The following HPSE2 variants were observed in gnomAD, a reference collection of about 807,000 sequenced individuals.
HPSE2 encodes the protein heparanase 2 (inactive).
HPSE2 carries 38 observed loss-of-function variants against 60.5 expected under a neutral mutation model. That is an observed-to-expected ratio of 0.63 (90% confidence interval 0.48 to 0.82). HPSE2 has a LOEUF of 0.82. HPSE2 is among the 40% of genes least tolerant of loss of function. The probability of loss-of-function intolerance (pLI) is 0.00; values close to 1 mark genes in which losing one functional copy is unlikely to be tolerated. For synonymous variants in HPSE2, 295 were observed against 293.2 expected (o/e 1.01, Z -0.06); for missense variants, 713 against 740.4 (o/e 0.96, Z 0.43).
At chr10:99,103,220 A>G (rs928151806) in intron 3 of HPSE2, among the ~76,000 whole-genome samples, 1 of 152,216 alleles carries the variant, frequency 6.6e-6, no homozygotes, top group East Asian at 1.9e-4. Context: ...ACATGATTGT[A>G]TATCTAGAAA....
the HPSE2 span, among the ~76,000 whole-genome samples, chr10:99,297,825 G>A: frequency 1.3e-5 from 2 of 152,074 alleles, no homozygotes; most frequent in South Asian, 4.2e-4. Flanking sequence ...TTTCAGCATT[G>A]GTAATTTTGA....
intron 9 of HPSE2, among the ~76,000 whole-genome samples, chr10:98,493,461 A>AT (rs561940980): frequency 2.6e-5 from 4 of 152,030 alleles, no homozygotes; most frequent in Non-Finnish European, 4.4e-5. Context: ...TTCACTTCAT[A>AT]TTTTTTTGTG....
chr10:98,728,653 G>A (rs887316037), intron 4 of HPSE2, among the ~76,000 whole-genome samples: 1 of 152,060 alleles, frequency 6.6e-6, no homozygotes, highest in Non-Finnish European at 1.5e-5. Context: ...AATTAAGTTA[G>A]TATTACTTGA....
At chr10:98,927,350 A>T (rs1312654333) in intron 3 of HPSE2, among the ~76,000 whole-genome samples, 1 of 152,064 alleles carries the variant, frequency 6.6e-6, no homozygotes, top group African/African-American at 2.4e-5. Flanking sequence ...ATACAAACAA[A>T]TGGAAGAACA....
intron 4 of HPSE2, among the ~76,000 whole-genome samples, chr10:98,725,007 G>A (rs1260057247): frequency 4.6e-5 from 7 of 152,174 alleles, no homozygotes; most frequent in African/African-American, 1.7e-4. Flanking sequence ...ACAAATGGAA[G>A]AACATTCCAT....
chr10:98,490,578 T>C (rs1941609976), intron 9 of HPSE2, among the ~76,000 whole-genome samples: 1 of 152,212 alleles, frequency 6.6e-6, no homozygotes, highest in Non-Finnish European at 1.5e-5. Context: ...ATGATTTCTG[T>C]TTAATTATGG....
intron 7 of HPSE2, among the ~76,000 whole-genome samples, chr10:98,627,088 C>T (rs528019597): frequency 2.8e-4 from 43 of 152,224 alleles, no homozygotes; most frequent in African/African-American, 9.4e-4. Context: ...GATTATTTTT[C>T]AAAAGGAGTT....
At chr10:99,206,465 C>T (rs918883164) in intron 2 of HPSE2, among the ~76,000 whole-genome samples, 22 of 150,996 alleles carry the variant, frequency 1.5e-4, no homozygotes, top group Admixed American at 2.0e-4. Context: ...TGGTGGCATG[C>T]GCTATGGTCT....
chr10:99,199,895 T>C (rs1045691499), intron 2 of HPSE2, among the ~76,000 whole-genome samples: 9 of 152,170 alleles, frequency 5.9e-5, no homozygotes. Flanking sequence ...TTTAAAAATA[T>C]TAATTCTTCT....
At chr10:98,511,396 C>T (rs185221810) in intron 9 of HPSE2, among the ~76,000 whole-genome samples, 70 of 152,266 alleles carry the variant, frequency 4.6e-4, no homozygotes, top group African/African-American at 1.4e-3. Context: ...ATGATCCACA[C>T]GCCTTGGCCT....
chr10:99,063,320 A>G (rs1842508701), intron 3 of HPSE2, among the ~76,000 whole-genome samples: 1 of 152,078 alleles, frequency 6.6e-6, no homozygotes, highest in Non-Finnish European at 1.5e-5. Context: ...AAAAATACAA[A>G]CAACACACAC....
At chr10:99,239,443 T>C (rs1290920862), upstream of HPSE2, among the ~76,000 whole-genome samples, 1 of 143,836 alleles carries the variant, frequency 7.0e-6, no homozygotes, top group East Asian at 2.0e-4. Context: ...TTTTTTTTTT[T>C]TTTTGAGACA....
At chr10:99,023,604 A>G (rs547274091) in intron 3 of HPSE2, among the ~76,000 whole-genome samples, 5 of 152,304 alleles carry the variant, frequency 3.3e-5, no homozygotes, top group Middle Eastern at 6.8e-3. Flanking sequence ...GTGGCAACAG[A>G]GGTGCTTGTG....
At chr10:98,892,902 C>T (rs1029457913) in intron 3 of HPSE2, among the ~76,000 whole-genome samples, 1 of 152,082 alleles carries the variant, frequency 6.6e-6, no homozygotes, top group Admixed American at 6.6e-5. Flanking sequence ...GTCCTCTGTC[C>T]TGGAGCAGGG....
chr10:99,123,670 G>A (rs1472693038), intron 3 of HPSE2, among the ~76,000 whole-genome samples: 1 of 152,188 alleles, frequency 6.6e-6, no homozygotes, highest in East Asian at 1.9e-4. Flanking sequence ...GCAAAGAGTT[G>A]CTTTATTGAG....
chr10:99,290,416 C>T, the HPSE2 span, among the ~76,000 whole-genome samples: 1 of 152,204 alleles, frequency 6.6e-6, no homozygotes, highest in Non-Finnish European at 1.5e-5. Context: ...TCAGTCATAT[C>T]TTCCTACATT....
At chr10:98,595,537 T>G (rs1448238751) in intron 9 of HPSE2, among the ~76,000 whole-genome samples, 1 of 152,214 alleles carries the variant, frequency 6.6e-6, no homozygotes, top group Admixed American at 6.5e-5. Flanking sequence ...GCTACTATTT[T>G]TATATATTGG....
At chr10:98,680,469 T>C (rs974079070) in intron 6 of HPSE2, among the ~76,000 whole-genome samples, 1 of 152,174 alleles carries the variant, frequency 6.6e-6, no homozygotes, top group Non-Finnish European at 1.5e-5. Flanking sequence ...GGACTGACTG[T>C]TTAAAGCAAC....
At chr10:99,060,957 T>C (rs1958228303) in intron 3 of HPSE2, among the ~76,000 whole-genome samples, 1 of 151,980 alleles carries the variant, frequency 6.6e-6, no homozygotes, top group African/African-American at 2.4e-5. Flanking sequence ...ATGGCAGTTG[T>C]TGGGGGTAAG....
Sources: gnomAD v4.1 joint callset for allele counts (sites outside exome capture counted in the v4.1 genomes callset) on GRCh38, gnomAD v4.1.1 for gene constraint, MANE v1.5 for transcripts, NCBI Gene and HGNC (gene_info 2026-07-23, HGNC 2026-07-21) for gene names.